The following OPRM1 variants were observed in gnomAD, a reference collection of about 807,000 sequenced individuals.
OPRM1 encodes mu-type opioid receptor.
OPRM1 carries 27 observed loss-of-function variants against 31.8 expected under a neutral mutation model. That is an observed-to-expected ratio of 0.85 (90% confidence interval 0.63 to 1.17). The LOEUF (loss-of-function observed/expected upper bound fraction) is 1.17, where lower values mean the gene tolerates loss of function less well. OPRM1 is among the 50% of genes most tolerant of loss of function. The pLI is 0.00. For synonymous variants in OPRM1, 196 were observed against 189.9 expected (o/e 1.03, Z -0.26); for missense variants, 536 against 511.1 (o/e 1.05, Z -0.47).
At chr6:154,073,838 A>C (rs1328284139) in intron 1 of OPRM1, 1 of 152,176 alleles carries the variant, frequency 6.6e-6, no homozygotes, top group Non-Finnish European at 1.5e-5. Flanking sequence ...ACTGGTCTCT[A>C]TTAAAAATAC....
At chr6:154,205,537 G>A (rs1462942676) in intron 3 of OPRM1, among the ~76,000 whole-genome samples, 1 of 152,222 alleles carries the variant, frequency 6.6e-6, no homozygotes, top group Non-Finnish European at 1.5e-5. Flanking sequence ...GGAAGTTGCA[G>A]TGAGCCGAAA....
chr6:154,013,793 T>C (rs535904820), intron 1 of OPRM1, among the ~76,000 whole-genome samples: 3 of 152,242 alleles, frequency 2.0e-5, no homozygotes, highest in African/African-American at 4.8e-5. Flanking sequence ...ACCTCCAGCA[T>C]GTTAGTCTGA....
At chr6:154,147,626 T>A (rs1411410371) in intron 3 of OPRM1, among the ~76,000 whole-genome samples, 1 of 152,168 alleles carries the variant, frequency 6.6e-6, no homozygotes, top group Non-Finnish European at 1.5e-5. Context: ...CTTCTTCTAT[T>A]AAGAAACAGC....
At chr6:154,111,146 G>A (rs552484865) in intron 3 of OPRM1, among the ~76,000 whole-genome samples, 84 of 152,266 alleles carry the variant, frequency 5.5e-4, no homozygotes, top group African/African-American at 1.9e-3. Flanking sequence ...CTTTGCTGAA[G>A]TCGGAGCCCT....
At chr6:154,041,251 G>A (rs1340640906) in intron 1 of OPRM1, among the ~76,000 whole-genome samples, 1 of 152,136 alleles carries the variant, frequency 6.6e-6, no homozygotes, top group Non-Finnish European at 1.5e-5. Context: ...AGTATTGTCT[G>A]TAAGAAAAGA....
intron 3 of OPRM1, chr6:154,093,492 CA>C: frequency 1.2e-6 from 2 of 1,606,252 alleles, no homozygotes; most frequent in Non-Finnish European, 1.7e-6. Flanking sequence ...GACTCCCTTC[CA>C]AATTCGGCAT....
At chr6:154,113,105 G>A (rs1796513222) in intron 3 of OPRM1, among the ~76,000 whole-genome samples, 1 of 152,216 alleles carries the variant, frequency 6.6e-6, no homozygotes, top group Non-Finnish European at 1.5e-5. Context: ...CAGCCAGACT[G>A]TAGTCTAAGG....
At chr6:154,225,901 C>G (rs1360020325) in intron 3 of OPRM1, among the ~76,000 whole-genome samples, 1 of 152,188 alleles carries the variant, frequency 6.6e-6, no homozygotes, top group Non-Finnish European at 1.5e-5. Context: ...GACCAAAACT[C>G]CACCCGCGTT....
intron 3 of OPRM1, chr6:154,108,797 T>C (rs539201130): frequency 4.1e-6 from 4 of 985,434 alleles, no homozygotes; most frequent in Admixed American, 1.2e-4. Context: ...ATCTTAACAG[T>C]TGCAATCCAT....
Position 154,195,715 on chromosome 6 carries a change from T to C in OPRM1, c.1165-50978T>C, listed in dbSNP as rs529829838. On this transcript the variant is annotated intron_variant, in intron 3 of 3. Coordinates refer to the OPRM1 transcript ENST00000337049. ...ACCTATTTTACTCTGCTTTCTTTTG[T>C]TAAATGTGTCTAGTTCCTCCCACTC... is the stretch of plus-strand genomic sequence containing the variant. Among the ~76,000 whole-genome samples the C allele has an allele frequency of 2.3e-3, 355 of 152,270 alleles. 1 individual carries two copies. The highest frequency in any genetic ancestry group is 8.4e-3 in the African/African-American group (348 of 41,548).
rs937394224 is a variant in OPRM1 at position 154,123,465 on chromosome 6, C to T, written c.*4744C>T. ...TGATTTTTCAGGCAGCCTGCTTCTC[C>T]GAGGACTAGTCTTAGCTGTTTACCT... On this transcript the variant is annotated 3_prime_UTR_variant, in exon 4 of 4. Transcript: ENST00000330432. Among the ~76,000 whole-genome samples, 43 of 152,156 alleles carry T rather than the reference C, an allele frequency of 2.8e-4. No individual in the cohort carries two copies. Among genetic ancestry groups the T allele is most frequent in the African/African-American group, 9.4e-4 (39 of 41,426 alleles).
chr6:154,154,792 C>A (rs577209519), intron 3 of OPRM1: 2 of 152,348 alleles, frequency 1.3e-5, no homozygotes, highest in African/African-American at 4.8e-5. Context: ...ATGAGCCATG[C>A]CTCTTTTTCA....
intron 1 of OPRM1, among the ~76,000 whole-genome samples, chr6:154,023,398 T>A (rs1278335305): frequency 6.6e-6 from 1 of 152,230 alleles, no homozygotes; most frequent in Non-Finnish European, 1.5e-5. Context: ...TGTATGTTGA[T>A]TTTGTATCAT....
intron 1 of OPRM1, among the ~76,000 whole-genome samples, chr6:154,029,102 G>A (rs1778864155): frequency 6.6e-6 from 1 of 152,158 alleles, no homozygotes; most frequent in Admixed American, 6.5e-5. Flanking sequence ...CCCTTCTCTT[G>A]TAGGGGTCTC....
At chr6:154,163,631 G>A (rs1385094703) in intron 3 of OPRM1, among the ~76,000 whole-genome samples, 1 of 152,184 alleles carries the variant, frequency 6.6e-6, no homozygotes, top group African/African-American at 2.4e-5. Context: ...GACTGCACAT[G>A]TAGACTGTTT....
At chr6:154,190,993 T>C (rs1801829720) in intron 3 of OPRM1, among the ~76,000 whole-genome samples, 1 of 151,868 alleles carries the variant, frequency 6.6e-6, no homozygotes, top group African/African-American at 2.4e-5. Flanking sequence ...GAGGCAGAGC[T>C]TTCACTGAGC....
chr6:154,089,585 C>CA (rs5881062), intron 1 of OPRM1, among the ~76,000 whole-genome samples: 89,268 of 129,486 alleles, frequency 0.69, 30,465 homozygotes, highest in East Asian at 0.84. Context: ...AGATCCTATC[C>CA]AAAAAAAAAA....
upstream of OPRM1, among the ~76,000 whole-genome samples, chr6:154,036,716 AT>A (rs1779319419): frequency 6.6e-6 from 1 of 152,020 alleles, no homozygotes; most frequent in African/African-American, 2.4e-5. Flanking sequence ...CATTAAAAAA[AT>A]CACCCAGATT....
intron 3 of OPRM1, among the ~76,000 whole-genome samples, chr6:154,115,000 G>A (rs1480371213): frequency 6.6e-6 from 1 of 151,898 alleles, no homozygotes; most frequent in Non-Finnish European, 1.5e-5. Context: ...TGTACATCAT[G>A]AACATTTACA....
Sources: allele counts gnomAD v4.1 joint callset (sites outside exome capture counted in the v4.1 genomes callset), GRCh38; gene constraint gnomAD v4.1.1; transcripts MANE v1.5; gene names NCBI Gene and HGNC (gene_info 2026-07-23, HGNC 2026-07-21).